The following UTRN variants were observed in gnomAD, a reference collection of about 807,000 sequenced individuals.
UTRN encodes dystrophin-related protein 1.
UTRN carries 283 observed loss-of-function variants against 463.9 expected under a neutral mutation model. That is an observed-to-expected ratio of 0.61 (90% CI 0.55 to 0.67). UTRN has a LOEUF of 0.67. UTRN is among the 30% of genes least tolerant of loss of function. UTRN has a pLI of 0.00. For synonymous variants in UTRN, 1,442 were observed against 1,431.5 expected (o/e 1.01, Z -0.17); for missense variants, 3,922 against 4,084.3 (o/e 0.96, Z 1.08).
At chr6:144,554,940 A>G (rs758466400) in intron 49 of UTRN, 47 bp downstream of exon 49, 5 of 1,592,046 alleles carry the variant, frequency 3.1e-6, no homozygotes, top group African/African-American at 1.4e-5. Flanking sequence ...TGTTGGATAT[A>G]CTTTTTTTCT....
At chr6:144,662,660 A>G (rs1308481467) in intron 51 of UTRN, among the ~76,000 whole-genome samples, 2 of 152,204 alleles carry the variant, frequency 1.3e-5, no homozygotes, top group African/African-American at 4.8e-5. Flanking sequence ...ACGAGGGTCC[A>G]CTGTTGGACT....
At chr6:144,687,200 C>T (rs1782862561) in intron 52 of UTRN, among the ~76,000 whole-genome samples, 1 of 152,046 alleles carries the variant, frequency 6.6e-6, no homozygotes, top group Non-Finnish European at 1.5e-5. Context: ...AGGATTTTTG[C>T]ATCTATGTTC....
intron 51 of UTRN, among the ~76,000 whole-genome samples, chr6:144,600,686 T>C (rs796684574): frequency 2.0e-5 from 3 of 152,326 alleles, no homozygotes; most frequent in African/African-American, 7.2e-5. Context: ...CAAATGCTGA[T>C]GTTGAAGCTG....
intron 2 of UTRN, among the ~76,000 whole-genome samples, chr6:144,339,639 C>T (rs1419544990): frequency 6.6e-6 from 1 of 151,854 alleles, no homozygotes; most frequent in Non-Finnish European, 1.5e-5. Flanking sequence ...AGGTGTTTGT[C>T]ATATCAGGGA....
chr6:144,470,511 G>T (rs62367654), intron 23 of UTRN, among the ~76,000 whole-genome samples: 1 of 151,212 alleles, frequency 6.6e-6, no homozygotes, highest in Non-Finnish European at 1.5e-5. Flanking sequence ...GATGATGGGC[G>T]GCCAGGCAGA....
chr6:144,569,186 AT>A (rs573818261), intron 50 of UTRN, among the ~76,000 whole-genome samples: 1 of 152,018 alleles, frequency 6.6e-6, no homozygotes, highest in Non-Finnish European at 1.5e-5. Flanking sequence ...TAGAAATTTT[AT>A]ATAAATTATA....
chr6:144,551,319 G>A (rs957903806), intron 48 of UTRN, among the ~76,000 whole-genome samples: 1 of 151,952 alleles, frequency 6.6e-6, no homozygotes, highest in Non-Finnish European at 1.5e-5. Context: ...TTAACATCAC[G>A]ACTCTTAAGT....
At chr6:144,624,339 T>C (rs932796986) in intron 51 of UTRN, among the ~76,000 whole-genome samples, 1 of 152,100 alleles carries the variant, frequency 6.6e-6, no homozygotes, top group African/African-American at 2.4e-5. Context: ...CCACAATTTA[T>C]AATGTAATAC....
intron 51 of UTRN, among the ~76,000 whole-genome samples, chr6:144,650,854 G>A (rs568515951): frequency 6.6e-6 from 1 of 151,852 alleles, no homozygotes; most frequent in South Asian, 2.1e-4. Context: ...GGTTGCAGTG[G>A]GCCCAGACTG....
chr6:144,593,382 C>T lies in UTRN; in HGVS notation c.7479+16094C>T, dbSNP rs142264906. Reference sequence around the variant, plus strand: ...TGACACCCCTAGGTACCCTTAGAGGCCTCCAATTGGTTACAACACCCTATA... The same window carrying T: ...TGACACCCCTAGGTACCCTTAGAGGTCTCCAATTGGTTACAACACCCTATA... On this transcript the variant is annotated intron_variant, in intron 51 of 74. Transcript: ENST00000367545. Among the ~76,000 whole-genome samples, 402 of 152,238 alleles carry T rather than the reference C, an allele frequency of 2.6e-3. 3 individuals carry two copies. The highest frequency in any genetic ancestry group is 9.2e-3 in the African/African-American group (383 of 41,530).
At chr6:144,533,701 T>G (rs1797275586) in intron 43 of UTRN, among the ~76,000 whole-genome samples, 1 of 145,154 alleles carries the variant, frequency 6.9e-6, no homozygotes, top group Non-Finnish European at 1.5e-5. Flanking sequence ...TTGCCAATAA[T>G]AAAGTTCTTC....
At chr6:144,631,597 C>T (rs1776530134) in intron 51 of UTRN, among the ~76,000 whole-genome samples, 1 of 152,062 alleles carries the variant, frequency 6.6e-6, no homozygotes, top group South Asian at 2.1e-4. Context: ...ATTGTGGTAA[C>T]TTAACAGGTA....
intron 3 of UTRN, among the ~76,000 whole-genome samples, chr6:144,406,356 C>CTTTTTTTTTTTTTTTTTTTTTT (rs57721924): frequency 2.4e-5 from 3 of 125,582 alleles, no homozygotes; most frequent in Non-Finnish European, 3.2e-5. Context: ...TTTTTCTTTT[C>CTTTTTTTTTTTTTTTTTTTTTT]TTTTTTTTTT....
chr6:144,485,380 T>G lies in UTRN; in HGVS notation c.3688-5T>G. On this transcript the variant is annotated splice_polypyrimidine_tract_variant and splice_region_variant and intron_variant, in intron 27 of 74. Coordinates refer to ENST00000367545, the MANE Select transcript of UTRN (RefSeq NM_007124.3). ...TTGTCTAATTTAAAATTTTTCATGC[T>G]TTAGGAGGTCTGGTCTTGTTGGATT... 1 of 1,614,090 alleles carries G rather than the reference T, an allele frequency of 6.2e-7. No homozygotes were observed. Among genetic ancestry groups the G allele is most frequent in the Non-Finnish European group, 8.5e-7 (1 of 1,179,972 alleles).
chr6:144,630,830 A>G (rs1776430375), intron 51 of UTRN, among the ~76,000 whole-genome samples: 1 of 152,174 alleles, frequency 6.6e-6, no homozygotes, highest in South Asian at 2.1e-4. Flanking sequence ...CTGTGCTGCA[A>G]CTGTCACCCT....
At chr6:144,287,199 G>A (rs909262515) in intron 1 of UTRN, among the ~76,000 whole-genome samples, 10 of 152,196 alleles carry the variant, frequency 6.6e-5, no homozygotes, top group Non-Finnish European at 4.4e-5. Context: ...GGGTAGTTCT[G>A]CGGTGACGGA....
At chr6:144,356,803 C>T (rs111281959) in intron 2 of UTRN, among the ~76,000 whole-genome samples, 9,677 of 151,474 alleles carry the variant, frequency 0.064, 1,040 homozygotes, top group African/African-American at 0.22. Context: ...CTGTCTTGGG[C>T]GACAGAGCAA....
At position 144,499,447 on chromosome 6, in the gene UTRN, A is replaced by G. The variant is rs1156288474; in HGVS notation, c.4764+20A>G. The G allele has an allele frequency of 6.3e-7, 1 of 1,582,346 alleles. No individual in the cohort carries two copies. The highest frequency in any genetic ancestry group is 1.1e-5 in the South Asian group (1 of 87,860). Reference sequence around the variant, plus strand: ...GCTAAAGTAAGTTGCAGTTCAGATGAAACACCAGCATGATGCCAGCGTAAC... The same window carrying G: ...GCTAAAGTAAGTTGCAGTTCAGATGGAACACCAGCATGATGCCAGCGTAAC... On this transcript the variant is annotated intron_variant, in intron 34 of 74. Transcript: ENST00000367545.
intron 51 of UTRN, among the ~76,000 whole-genome samples, chr6:144,641,260 A>G (rs981019064): frequency 1.3e-5 from 2 of 152,148 alleles, no homozygotes; most frequent in Non-Finnish European, 1.5e-5. Context: ...GAAGGGTGGG[A>G]CAACTCAAAA....
Sources: gnomAD v4.1 joint callset for allele counts (sites outside exome capture counted in the v4.1 genomes callset) on GRCh38, gnomAD v4.1.1 for gene constraint, MANE v1.5 for transcripts, NCBI Gene and HGNC (gene_info 2026-07-23, HGNC 2026-07-21) for gene names.